The following UNC45A variants were observed in gnomAD, a reference collection of about 807,000 sequenced individuals.
UNC45A encodes the protein unc-45 myosin chaperone A, also known as protein unc-45 homolog A.
UNC45A carries 78 observed loss-of-function variants against 103.2 expected under a neutral mutation model. The ratio of observed to expected loss-of-function variants is 0.76; its 90% CI spans 0.63 to 0.91. The LOEUF (loss-of-function observed/expected upper bound fraction) is 0.91, where lower values mean the gene tolerates loss of function less well. Among genes scored for constraint, UNC45A ranks in the 40% least tolerant of loss-of-function variants. The probability of loss-of-function intolerance (pLI) is 0.00; values close to 1 mark genes in which losing one functional copy is unlikely to be tolerated. For missense variants in UNC45A, 1,193 were observed against 1,224.8 expected (o/e 0.97, Z 0.39); for synonymous variants, 495 against 504.6 (o/e 0.98, Z 0.25).
Position 90,939,796 on chromosome 15 carries a change from A to C in UNC45A, c.492A>C (p.Glu164Asp). Residue 164 changes from glutamate to aspartate, a missense_variant, in exon 5 of 20, where the codon GAA (glutamate) becomes GAC (aspartate). Physicochemically the swap from Glu to Asp is conservative, Grantham distance 45. Transcript: ENST00000418476. ...TGTTTCAGATACTGTTGGACCCAGA[A>C]GAGAAGGGCACTGAGAAAAAGCAAA... ...EQMFQILLDP[E>D]EKGTEKKQKA... 1 of 1,614,214 alleles carries C rather than the reference A, an allele frequency of 6.2e-7. No homozygotes were observed. Among genetic ancestry groups the C allele is most frequent in the Non-Finnish European group, 8.5e-7 (1 of 1,180,042 alleles).
chr15:90,931,726 G>A (rs752276722), upstream of UNC45A: 18 of 1,614,002 alleles, frequency 1.1e-5, no homozygotes, highest in East Asian at 3.6e-4. Context: ...AGCGATTCAG[G>A]TCCCTCAGAT....
At position 90,950,164 on chromosome 15, in the gene UNC45A, C is replaced by T. The variant is rs374422057; in HGVS notation, c.2084C>T (p.Pro695Leu). The part of the protein sequence containing the change: ...VAQGGGRALI[P>L]LALEGTDVGQ... ...GGCTTGTTCCTACAGGCGCTGATCC[C>T]GCTGGCCCTGGAAGGCACGGACGTG... Residue 695 changes from proline (P) to leucine (L), a missense_variant, in exon 16 of 20, where the codon CCG (proline) becomes CTG (leucine). Pro to Leu is a moderately conservative substitution (Grantham distance 98). Coordinates refer to ENST00000418476, the MANE Select transcript of UNC45A (RefSeq NM_018671.5). The T allele has an allele frequency of 5.1e-4, 786 of 1,551,366 alleles. No homozygotes were observed. The highest frequency in any genetic ancestry group is 6.6e-4 in the Non-Finnish European group (759 of 1,147,008).
chr15:90,935,627 T>A lies in UNC45A; in HGVS notation c.135T>A (p.Thr45=). Residue 45 remains threonine, a synonymous_variant, in exon 2 of 20, where the codon ACT becomes ACA. Transcript: ENST00000418476. The part of the protein sequence containing the change: ...GDYGGALAAY[T]QALGLDATPQ... ...ACGGGGGCGCCCTGGCGGCCTACACTCAGGCCCTGGGTCTGGACGCGACGC... is the reference window on the plus strand; with the variant it reads ...ACGGGGGCGCCCTGGCGGCCTACACACAGGCCCTGGGTCTGGACGCGACGC... The A allele has an allele frequency of 6.2e-7, 1 of 1,612,810 alleles. No homozygotes were observed. The highest frequency in any genetic ancestry group is 8.5e-7 in the Non-Finnish European group (1 of 1,179,578).
chr15:90,950,369 G>A (rs2036833273), intron 16 of UNC45A, 102 bp downstream of exon 16: 1 of 1,473,962 alleles, frequency 6.8e-7, no homozygotes, highest in Non-Finnish European at 9.3e-7. Flanking sequence ...TTTCAGCTTT[G>A]TCAAGGCCTG....
In UNC45A at chr15:90,948,701, C is replaced by T. The variant is rs756838809; in HGVS notation, c.1785C>T (p.Asn595=). The change falls in exon 13 of 20, where the codon AAC becomes AAT. Residue 595 remains asparagine (N), a synonymous_variant. Coordinates refer to ENST00000418476, the MANE Select transcript of UNC45A (RefSeq NM_018671.5). Reference sequence around the variant, plus strand: ...TTGCGGTGGCCTCAGCGCTGGTGAACTGCACCAACAGCTATGACTACGAGG... The same window carrying T: ...TTGCGGTGGCCTCAGCGCTGGTGAATTGCACCAACAGCTATGACTACGAGG... ...VLFAVASALV[N]CTNSYDYEEP... is the part of the protein sequence containing the mutation. 1 of 1,614,022 alleles carries T rather than the reference C, an allele frequency of 6.2e-7. No homozygotes were observed. Among genetic ancestry groups the T allele is most frequent in the Non-Finnish European group, 8.5e-7 (1 of 1,180,022 alleles).
intron 18 of UNC45A, 48 bp downstream of exon 18, chr15:90,953,094 C>A (rs753262662): frequency 1.5e-5 from 25 of 1,613,164 alleles, no homozygotes; most frequent in Non-Finnish European, 2.0e-5. Flanking sequence ...GCAGAGGTAC[C>A]TGTGCCCTGG....
chr15:90,936,072 T>G, intron 3 of UNC45A, 90 bp downstream of exon 3: 3 of 1,583,222 alleles, frequency 1.9e-6, no homozygotes, highest in Non-Finnish European at 2.6e-6. Flanking sequence ...ATTCTCCTCC[T>G]TTGGCCCCAG....
chr15:90,944,110 G>A (rs931047866), intron 8 of UNC45A, among the ~76,000 whole-genome samples: 21 of 150,446 alleles, frequency 1.4e-4, no homozygotes, highest in African/African-American at 5.1e-4. Context: ...ATAAGAGCTG[G>A]GCGTGGTGCC....
rs1332927823 is a variant in UNC45A, at chr15:90,946,872, T to C, written c.1458T>C (p.Tyr486=). 2.6e-6 allele frequency: 4 copies of C among 1,565,110 alleles called. No homozygotes were observed. The highest frequency in any genetic ancestry group is 2.7e-5 in the African/African-American group (2 of 73,056). Residue 486 remains tyrosine (Y), a synonymous_variant, in exon 10 of 20, where the codon TAT becomes TAC. Coordinates refer to ENST00000418476, the MANE Select transcript of UNC45A (RefSeq NM_018671.5). Reference sequence around the variant, plus strand: ...GTGTCTCGCTGCTGAAGGACCTATATAAGTGCAGCGAGAAGGACAGCATCC... The same window carrying C: ...GTGTCTCGCTGCTGAAGGACCTATACAAGTGCAGCGAGAAGGACAGCATCC... ...ANGVSLLKDL[Y]KCSEKDSIRI... is the part of the protein sequence containing the mutation.
chr15:90,946,700 G>A lies in UNC45A; in HGVS notation c.1286G>A (p.Gly429Asp), dbSNP rs1217060335. ...SCLLQGPCDA[G>D]NRALELSGVM... Reference sequence around the variant, plus strand: ...CTCCTGCAGGGCCCATGTGACGCTGGCAACCGGGCCTTGGAGCTGAGCGGT... The same window carrying A: ...CTCCTGCAGGGCCCATGTGACGCTGACAACCGGGCCTTGGAGCTGAGCGGT... Residue 429 changes from glycine to aspartate, a missense_variant, in exon 10 of 20, where the codon GGC becomes GAC. Physicochemically the swap from Gly to Asp is moderately conservative, Grantham distance 94. Coordinates refer to ENST00000418476, the MANE Select transcript of UNC45A (RefSeq NM_018671.5). The A allele has an allele frequency of 6.2e-7, 1 of 1,612,924 alleles. No individual in the cohort carries two copies. Among genetic ancestry groups the A allele is most frequent in the South Asian group, 1.1e-5 (1 of 91,022 alleles).
At chr15:90,952,676 C>T (rs182926128) in intron 17 of UNC45A, 158 of 458,666 alleles carry the variant, frequency 3.4e-4, no homozygotes, top group African/African-American at 2.6e-3. Context: ...CTGCCTGCCT[C>T]GGCCTTCCAG....
At chr15:90,950,651 C>T (rs773290100) in intron 17 of UNC45A, 36 bp downstream of exon 17, 4 of 1,598,828 alleles carry the variant, frequency 2.5e-6, no homozygotes, top group African/African-American at 1.3e-5. Flanking sequence ...CTGGACCAGG[C>T]ATCGGGATTC....
rs2036347439 is a variant in UNC45A at position 90,942,544 on chromosome 15, T to G, written c.795T>G (p.Phe265Leu). ...LAACHLLQVM[F>L]DALKEGVKKG... ...CCTGCCACCTGCTGCAGGTTATGTT[T>G]GATGCCCTCAAGGAAGGTGTCAAAA... is the stretch of plus-strand genomic sequence containing the variant. The change falls in exon 7 of 20, where the codon TTT (phenylalanine) becomes TTG (leucine). Residue 265 changes from phenylalanine to leucine, a missense_variant. Phe to Leu is a conservative substitution (Grantham distance 22, BLOSUM62 0). Transcript: ENST00000418476. The G allele has an allele frequency of 6.2e-7, 1 of 1,614,182 alleles. No homozygotes were observed. The highest frequency in any genetic ancestry group is 2.2e-5 in the East Asian group (1 of 44,888).
chr15:90,945,161 A>G (rs752408398), intron 9 of UNC45A, 98 bp downstream of exon 9: 53 of 1,490,786 alleles, frequency 3.6e-5, no homozygotes, highest in Non-Finnish European at 4.5e-5. Flanking sequence ...CAGCAGAAAC[A>G]GTAATCTTGG....
Position 90,954,083 on chromosome 15 carries a change from G to T in UNC45A, c.*367G>T. 1 of 305,190 alleles carries T rather than the reference G, an allele frequency of 3.3e-6. No individual in the cohort carries two copies. 18.9% of individuals were successfully genotyped at this position (305,190 alleles called of 1,614,324 possible). ...AGGCCTGCCCCTCCAATAAAAGTGTGTAGAACTCCACTGTGTGCCCTGTCC... is the reference window on the plus strand; with the variant it reads ...AGGCCTGCCCCTCCAATAAAAGTGTTTAGAACTCCACTGTGTGCCCTGTCC... On this transcript the variant is annotated 3_prime_UTR_variant, in exon 20 of 20. Transcript: ENST00000418476.
chr15:90,947,026 T>C, intron 10 of UNC45A, 112 bp downstream of exon 10: 1 of 1,319,532 alleles, frequency 7.6e-7, no homozygotes. Context: ...AGGAATACTG[T>C]AATGCCAAAA....
In UNC45A at chr15:90,945,030, A is replaced by G; in HGVS notation, c.1166A>G (p.Glu389Gly). The G allele has an allele frequency of 1.2e-6, 2 of 1,613,040 alleles. No homozygotes were observed. Among genetic ancestry groups the G allele is most frequent in the South Asian group, 2.2e-5 (2 of 91,022 alleles). Reference protein sequence around the residue: ...FDDLKCDAERENFHRLCENYI... With the variant: ...FDDLKCDAERGNFHRLCENYI... Reference sequence around the variant, plus strand: ...GACCTCAAGTGTGATGCGGAGAGGGAGAATTTCCACAGACTTTGTGAAAAC... The same window carrying G: ...GACCTCAAGTGTGATGCGGAGAGGGGGAATTTCCACAGACTTTGTGAAAAC... Residue 389 changes from glutamate (E) to glycine (G), a missense_variant, in exon 9 of 20, where the codon GAG becomes GGG. Physicochemically the swap from Glu to Gly is moderately conservative, Grantham distance 98 (BLOSUM62 -2). Coordinates refer to ENST00000418476, the MANE Select transcript of UNC45A (RefSeq NM_018671.5).
intron 4 of UNC45A, among the ~76,000 whole-genome samples, chr15:90,937,761 C>CTTT (rs113919338): frequency 0.015 from 2,286 of 152,076 alleles, 39 homozygotes; most frequent in African/African-American, 0.049. Flanking sequence ...GCTGGGATTA[C>CTTT]ATGTGTGAGC....
intron 9 of UNC45A, among the ~76,000 whole-genome samples, chr15:90,945,383 CAG>C (rs2036512356): frequency 6.6e-6 from 1 of 150,426 alleles, no homozygotes; most frequent in South Asian, 2.1e-4. Context: ...TTTCTTGAGA[CAG>C]AGTTTCACTC....
Sources: gnomAD v4.1 joint callset for allele counts (sites outside exome capture counted in the v4.1 genomes callset) on GRCh38, gnomAD v4.1.1 for gene constraint, MANE v1.5 for transcripts, NCBI Gene and HGNC (gene_info 2026-07-23, HGNC 2026-07-21) for gene names.